SLC35F4: variants seen among roughly 807,000 people sequenced by gnomAD.
SLC35F4 encodes chromosome 14 open reading frame 36.
SLC35F4 carries 24 observed loss-of-function variants against 44.2 expected under a neutral mutation model. The observed-to-expected ratio is 0.54, with a 90% CI of 0.39 to 0.76. The LOEUF (loss-of-function observed/expected upper bound fraction) is 0.76, where lower values mean the gene tolerates loss of function less well. SLC35F4 is among the 30% of genes least tolerant of loss of function. The pLI, the probability that SLC35F4 is intolerant of heterozygous loss-of-function variation, is 0.00. For missense variants in SLC35F4, 562 were observed against 586.1 expected, an observed-to-expected ratio of 0.96 and a Z score of 0.42; for synonymous variants, 238 against 223.6, an observed-to-expected ratio of 1.06 and a Z score of -0.57.
At chr14:57,638,804 GAACC>G (rs918690935) in intron 1 of SLC35F4, among the ~76,000 whole-genome samples, 3 of 151,964 alleles carry the variant, frequency 2.0e-5, no homozygotes, top group Non-Finnish European at 4.4e-5. Flanking sequence ...TTCCCACAAG[GAACC>G]ACCTCTCTTC....
At chr14:57,781,265 G>A (rs2077614095) in intron 1 of SLC35F4, among the ~76,000 whole-genome samples, 1 of 151,868 alleles carries the variant, frequency 6.6e-6, no homozygotes, top group African/African-American at 2.4e-5. Flanking sequence ...AAACATGAAT[G>A]GACACTTCTC....
chr14:57,594,019 G>C lies in SLC35F4; in HGVS notation c.209C>G (p.Ser70Cys). The part of the protein sequence containing the change: ...QLSPLSVTED[S>C]SAPILELQNQ... ...TTGAAGTTCAAGAATAGGAGCAGAG[G>C]AATCTTCGGTGACAGACAGTGGGGA... Residue 70 changes from serine (S) to cysteine (C), a missense_variant, in exon 2 of 8, where the codon TCC (serine) becomes TGC (cysteine). Coordinates refer to ENST00000556826, the MANE Select transcript of SLC35F4 (RefSeq NM_001306087.2). The C allele has an allele frequency of 6.2e-7, 1 of 1,613,902 alleles. No individual in the cohort carries two copies. The highest frequency in any genetic ancestry group is 8.5e-7 in the Non-Finnish European group (1 of 1,179,866).
chr14:57,952,136 A>T (rs1421058703), intron 1 of SLC35F4, among the ~76,000 whole-genome samples: 1 of 152,212 alleles, frequency 6.6e-6, no homozygotes, highest in Non-Finnish European at 1.5e-5. Flanking sequence ...GGTGATACCC[A>T]GGCAGACAGG....
chr14:57,775,796 G>C (rs1261126880), intron 1 of SLC35F4, among the ~76,000 whole-genome samples: 1 of 152,210 alleles, frequency 6.6e-6, no homozygotes, highest in African/African-American at 2.4e-5. Context: ...TCTTAACTGG[G>C]TTGAGATGGC....
At chr14:57,606,446 T>C (rs1595027685) in intron 1 of SLC35F4, among the ~76,000 whole-genome samples, 1 of 152,320 alleles carries the variant, frequency 6.6e-6, no homozygotes, top group African/African-American at 2.4e-5. Context: ...TTAATTTGTT[T>C]TCTATTTCTG....
At chr14:57,876,745 CA>C (rs1166787996) in intron 1 of SLC35F4, among the ~76,000 whole-genome samples, 2 of 152,070 alleles carry the variant, frequency 1.3e-5, no homozygotes, top group African/African-American at 4.8e-5. Flanking sequence ...TCTCAATTTA[CA>C]ATTAAACACA....
At chr14:57,864,142 T>C (rs1249347080) in intron 1 of SLC35F4, among the ~76,000 whole-genome samples, 2 of 152,228 alleles carry the variant, frequency 1.3e-5, no homozygotes, top group Non-Finnish European at 2.9e-5. Flanking sequence ...CACACACAGC[T>C]TCTACATTCT....
rs149116472 is a variant in SLC35F4, at chr14:57,587,585, A to C, written c.587+1631T>G. Among the ~76,000 whole-genome samples, 272 of 152,332 alleles carry C rather than the reference A, an allele frequency of 1.8e-3. 1 individual carries two copies. Among genetic ancestry groups the C allele is most frequent in the African/African-American group, 5.9e-3 (247 of 41,576 alleles). On this transcript the variant is annotated intron_variant, in intron 3 of 7. Coordinates refer to ENST00000556826, the MANE Select transcript of SLC35F4 (RefSeq NM_001306087.2). ...AGTTGAACAATGAGAACACATGGAC[A>C]CAGGGAGGGGAACATCCCACACCAA...
upstream of SLC35F4, among the ~76,000 whole-genome samples, chr14:57,868,639 C>A (rs962202158): frequency 1.3e-5 from 2 of 152,020 alleles, no homozygotes; most frequent in Admixed American, 1.3e-4. Context: ...CCACGCCCAG[C>A]TAATTTTTTT....
At chr14:57,789,000 A>G (rs1204709653) in intron 1 of SLC35F4, among the ~76,000 whole-genome samples, 1 of 152,230 alleles carries the variant, frequency 6.6e-6, no homozygotes, top group Non-Finnish European at 1.5e-5. Context: ...TCTCTGGGAC[A>G]CAGCTAAAGC....
chr14:57,796,020 T>C (rs1415696076), intron 1 of SLC35F4, among the ~76,000 whole-genome samples: 1 of 152,156 alleles, frequency 6.6e-6, no homozygotes, highest in East Asian at 1.9e-4. Flanking sequence ...AATGTTTAGC[T>C]CCCACTTATA....
At chr14:57,580,110 A>AT (rs2069137454) in intron 4 of SLC35F4, among the ~76,000 whole-genome samples, 2 of 152,142 alleles carry the variant, frequency 1.3e-5, no homozygotes, top group African/African-American at 4.8e-5. Context: ...ACAGTTTCTG[A>AT]TTTTGTCTTC....
intron 1 of SLC35F4, among the ~76,000 whole-genome samples, chr14:57,628,152 C>G (rs2140118504): frequency 6.6e-6 from 1 of 151,850 alleles, no homozygotes; most frequent in East Asian, 1.9e-4. Context: ...TCCCTGGACC[C>G]CAGATAAAGA....
intron 1 of SLC35F4, among the ~76,000 whole-genome samples, chr14:57,808,422 C>T (rs751150936): frequency 2.0e-5 from 3 of 151,756 alleles, no homozygotes; most frequent in Non-Finnish European, 4.4e-5. Flanking sequence ...AAATAAAATG[C>T]AAAGCATAAT....
chr14:57,845,109 C>T (rs1466233371), intron 1 of SLC35F4, among the ~76,000 whole-genome samples: 3 of 152,144 alleles, frequency 2.0e-5, no homozygotes, highest in East Asian at 1.9e-4. Context: ...GGGTACCCTA[C>T]TAAAAACAAA....
intron 1 of SLC35F4, among the ~76,000 whole-genome samples, chr14:57,656,017 G>A (rs2073954892): frequency 1.3e-5 from 2 of 151,984 alleles, no homozygotes; most frequent in Admixed American, 6.6e-5. Flanking sequence ...AGGATCACAA[G>A]GCTGATCCTG....
rs1166088757 is a variant in SLC35F4 at position 57,564,151 on chromosome 14, G to C, written c.1442C>G (p.Ser481Cys). The C allele has an allele frequency of 6.2e-7, 1 of 1,613,682 alleles. No homozygotes were observed. Among genetic ancestry groups the C allele is most frequent in the Non-Finnish European group, 8.5e-7 (1 of 1,179,794 alleles). The change falls in exon 8 of 8, where the codon TCT becomes TGT. Residue 481 changes from serine (S) to cysteine (C), a missense_variant. By Grantham distance (112) the Ser-to-Cys change is moderately radical (BLOSUM62 -1). Transcript: ENST00000556826. ...TGTCCCTCTCTAAGCCAGTGGTATAGACACTGTCCCATTGGCTCTGCCTCT... is the reference window on the plus strand; with the variant it reads ...TGTCCCTCTCTAAGCCAGTGGTATACACACTGTCCCATTGGCTCTGCCTCT... Reference protein sequence around the residue: ...RGRGRANGTVSIPLA With the variant: ...RGRGRANGTVCIPLA
At chr14:57,892,398 G>A (rs980274323) in intron 1 of SLC35F4, among the ~76,000 whole-genome samples, 17 of 152,172 alleles carry the variant, frequency 1.1e-4, no homozygotes, top group African/African-American at 3.9e-4. Flanking sequence ...CTCCAGGAGT[G>A]ACAATCTGAC....
chr14:57,655,563 T>C (rs1441806088), intron 1 of SLC35F4, among the ~76,000 whole-genome samples: 1 of 152,090 alleles, frequency 6.6e-6, no homozygotes, highest in Non-Finnish European at 1.5e-5. Context: ...CTCTAGGGGA[T>C]GCCATTCACA....
Sources: gnomAD v4.1 joint callset for allele counts (sites outside exome capture counted in the v4.1 genomes callset) on GRCh38, gnomAD v4.1.1 for gene constraint, MANE v1.5 for transcripts, NCBI Gene and HGNC (gene_info 2026-07-23, HGNC 2026-07-21) for gene names.